PCDHA5: variants seen among roughly 807,000 people sequenced by gnomAD.
The protein encoded by PCDHA5 is protocadherin alpha-5.
Under a neutral mutation model 61.6 loss-of-function variants are expected in PCDHA5, and 43 were observed. The observed-to-expected ratio is 0.70, with a 90% CI of 0.55 to 0.90. PCDHA5 has a LOEUF of 0.90. Among genes scored for constraint, PCDHA5 ranks in the 40% least tolerant of loss-of-function variants. The probability of loss-of-function intolerance (pLI) is 0.00; values close to 1 mark genes in which losing one functional copy is unlikely to be tolerated. For synonymous variants in PCDHA5, 627 were observed against 543.9 expected (o/e 1.15, Z -2.13); for missense variants, 1,298 against 1,222.7 (o/e 1.06, Z -0.92).
At chr5:140,962,930 C>A (rs2095720492) in intron 1 of PCDHA5, among the ~76,000 whole-genome samples, 1 of 152,144 alleles carries the variant, frequency 6.6e-6, no homozygotes, top group South Asian at 2.1e-4. Flanking sequence ...TACTTCTCAA[C>A]CTCCTCTCCA....
chr5:140,963,977 C>A (rs1311264244), intron 1 of PCDHA5, among the ~76,000 whole-genome samples: 1 of 152,164 alleles, frequency 6.6e-6, no homozygotes, highest in Non-Finnish European at 1.5e-5. Flanking sequence ...ACTCCAAAGT[C>A]TATATTCCTA....
In PCDHA5 at chr5:140,835,636, TG is replaced by T. The variant is rs2150240289; in HGVS notation, c.2352+11510del. ...GACAGCGCTCTGGACCGCGAGAGTG[TG>T]TCCGCCTATGAGCTGGTGGTTACCG... On this transcript the variant is annotated intron_variant, in intron 1 of 3. Transcript: ENST00000529859. 6 of 1,613,906 alleles carry T rather than the reference TG, an allele frequency of 3.7e-6. No individual in the cohort carries two copies. The East Asian group carries it at 8.9e-5, about 24-fold the overall frequency.
chr5:140,914,783 A>G (rs1445627539), intron 1 of PCDHA5, among the ~76,000 whole-genome samples: 1 of 151,972 alleles, frequency 6.6e-6, no homozygotes, highest in Admixed American at 6.6e-5. Context: ...TTATCTTATG[A>G]CCCATTATTT....
chr5:140,939,182 C>T (rs2092333864), intron 1 of PCDHA5, among the ~76,000 whole-genome samples: 1 of 152,146 alleles, frequency 6.6e-6, no homozygotes, highest in African/African-American at 2.4e-5. Context: ...GGCCCACTCC[C>T]TGGTTCATAA....
chr5:140,837,576 CA>C (rs1310142916), intron 1 of PCDHA5, among the ~76,000 whole-genome samples: 1 of 151,836 alleles, frequency 6.6e-6, no homozygotes, highest in Non-Finnish European at 1.5e-5. Context: ...TTACAATCAC[CA>C]AATTGTAAAT....
chr5:140,955,839 A>G (rs527318905), intron 1 of PCDHA5, among the ~76,000 whole-genome samples: 8 of 152,162 alleles, frequency 5.3e-5, no homozygotes, highest in African/African-American at 1.9e-4. Flanking sequence ...GTGGTTTGTC[A>G]TTCTCCTTGA....
intron 1 of PCDHA5, chr5:140,876,058 C>T (rs781906188): frequency 6.2e-7 from 1 of 1,613,868 alleles, no homozygotes; most frequent in Middle Eastern, 1.6e-4. Context: ...TGAATTAGTT[C>T]TTCGGAAGTT....
At chr5:140,972,660 A>ATTTTTTTTTTTTTTTTTTTTTTTTTT (rs11350929) in intron 1 of PCDHA5, among the ~76,000 whole-genome samples, 1 of 117,268 alleles carries the variant, frequency 8.5e-6, no homozygotes, top group Non-Finnish European at 1.7e-5. Context: ...AAGAAACCAA[A>ATTTTTTTTTTTTTTTTTTTTTTTTTT]TTTTTTTTTT....
At chr5:140,828,094 G>A in intron 1 of PCDHA5, 2 of 1,600,150 alleles carry the variant, frequency 1.2e-6, no homozygotes, top group Non-Finnish European at 1.7e-6. Context: ...TATTTGACAT[G>A]GTGTTTACCC....
At chr5:140,843,759 A>T in intron 1 of PCDHA5, 1 of 1,499,994 alleles carries the variant, frequency 6.7e-7, no homozygotes. Flanking sequence ...TATTTGTGGA[A>T]ATTGTAGTTA....
chr5:140,894,478 A>C (rs2064495460), intron 1 of PCDHA5, among the ~76,000 whole-genome samples: 2 of 151,508 alleles, frequency 1.3e-5, no homozygotes, highest in South Asian at 4.2e-4. Context: ...TCTTGTTTTC[A>C]TCTTATAGTT....
chr5:140,832,345 G>A (rs2150201218), intron 1 of PCDHA5, among the ~76,000 whole-genome samples: 8 of 152,168 alleles, frequency 5.3e-5, no homozygotes, highest in Non-Finnish European at 1.2e-4. Context: ...GTTGTGGTTT[G>A]TGTTTCCTAA....
chr5:140,858,565 T>C (rs782424378), intron 1 of PCDHA5: 1 of 1,375,216 alleles, frequency 7.3e-7, no homozygotes, highest in South Asian at 1.3e-5. Flanking sequence ...ATATTTCTAG[T>C]GATACCTTTG....
At chr5:140,835,997 C>G (rs2150249894) in intron 1 of PCDHA5, 18 of 1,613,302 alleles carry the variant, frequency 1.1e-5, no homozygotes, top group East Asian at 4.5e-5. Context: ...TGAGCGCGCG[C>G]GATGCGGGCG....
Position 140,822,061 on chromosome 5 carries a change from C to A in PCDHA5, c.286C>A (p.Arg96=), listed in dbSNP as rs2150113317. 3.1e-6 allele frequency: 5 copies of A among 1,614,168 alleles called. No homozygotes were observed. The highest frequency in any genetic ancestry group is 4.2e-6 in the Non-Finnish European group (5 of 1,180,042). ...TCGGATCGACCGGGAGGAGCTGTGC[C>A]GGCGGAGGGCGGAGTGCAGCATCCA... The part of the protein sequence containing the change: ...NSRIDREELC[R]RRAECSIHLE... Residue 96 remains arginine (R), a synonymous_variant, in exon 1 of 4, where the codon CGG becomes AGG. Transcript: ENST00000529859.
chr5:140,849,848 C>A (rs2150453425), intron 1 of PCDHA5: 1 of 1,598,546 alleles, frequency 6.3e-7, no homozygotes, highest in African/African-American at 1.3e-5. Context: ...TGAACGACAA[C>A]GCACCAGCGT....
At chr5:140,926,371 G>A (rs1220733947) in intron 1 of PCDHA5, 1 of 152,352 alleles carries the variant, frequency 6.6e-6, no homozygotes, top group East Asian at 1.9e-4. Flanking sequence ...GCGGCAGGAA[G>A]AGCCCAGCTG....
chr5:140,851,277 A>C (rs1190417685), intron 1 of PCDHA5: 1 of 1,055,236 alleles, frequency 9.5e-7, no homozygotes, highest in East Asian at 4.9e-5. Flanking sequence ...TGTATTGTTT[A>C]TAAGAAACCC....
intron 1 of PCDHA5, among the ~76,000 whole-genome samples, chr5:140,903,758 T>TCCACCAAAGCCCAGTAATAGGCCAAGA (rs2070567163): frequency 6.6e-6 from 1 of 152,218 alleles, no homozygotes; most frequent in Non-Finnish European, 1.5e-5. Flanking sequence ...CCTTGATTTT[T>TCCACCAAAGCCCAGTAATAGGCCAAGA]GCTGAACTTT....
Sources: gnomAD v4.1 joint callset for allele counts (sites outside exome capture counted in the v4.1 genomes callset) on GRCh38, gnomAD v4.1.1 for gene constraint, MANE v1.5 for transcripts, NCBI Gene and HGNC (gene_info 2026-07-23, HGNC 2026-07-21) for gene names.